Variants in OR12D2 observed in about 807,000 individuals in gnomAD.
OR12D2 encodes the protein olfactory receptor 12D2.
For missense variants in OR12D2, 345 were observed against 371.6 expected (o/e 0.93, Z 0.59); for synonymous variants, 146 against 142.3 (o/e 1.03, Z -0.19).
intron 1 of OR12D2, 54 bp from the exon 2 acceptor site, chr6:29,396,644 A>C (rs1780537454): frequency 2.8e-6 from 4 of 1,422,028 alleles, no homozygotes; most frequent in Non-Finnish European, 3.9e-6. Flanking sequence ...TCTGAGCCGG[A>C]AGGATTCTGA....
In OR12D2 at chr6:29,396,863, C is replaced by G; in HGVS notation, c.164C>G (p.Ser55Cys). The change falls in exon 2 of 2, where the codon TCC becomes TGC. Residue 55 changes from serine to cysteine, a missense_variant. Transcript: ENST00000642051. ...GTCATCTCCGATCCTAGACTCCATT[C>G]CCTTATGTATTTCTTCCTGGGAAAC... ...MIVISDPRLH[S>C]LMYFFLGNLS... 2 of 1,612,898 alleles carry G rather than the reference C, an allele frequency of 1.2e-6. No homozygotes were observed. Among genetic ancestry groups the G allele is most frequent in the Non-Finnish European group, 1.7e-6 (2 of 1,179,926 alleles).
rs1780623758 is a variant in OR12D2 at position 29,397,516 on chromosome 6, G to A, written c.817G>A (p.Val273Ile). 1 of 1,613,008 alleles carries A rather than the reference G, an allele frequency of 6.2e-7. No individual in the cohort carries two copies. Among genetic ancestry groups the A allele is most frequent in the East Asian group, 2.2e-5 (1 of 44,884 alleles). Reference protein sequence around the residue: ...LESFMDQDRIVAIMYTVVTPV... With the variant: ...LESFMDQDRIIAIMYTVVTPV... ...GAGCTTCATGGACCAGGACCGGATTGTTGCCATCATGTACACTGTGGTCAC... is the reference window on the plus strand; with the variant it reads ...GAGCTTCATGGACCAGGACCGGATTATTGCCATCATGTACACTGTGGTCAC... The change falls in exon 2 of 2, where the codon GTT (valine) becomes ATT (isoleucine). Residue 273 changes from valine (V) to isoleucine (I), a missense_variant. Val to Ile is a conservative substitution (Grantham distance 29). Coordinates refer to ENST00000642051, the MANE Select transcript of OR12D2 (RefSeq NM_013936.4).
Position 29,396,813 on chromosome 6 carries a change from T to C in OR12D2, c.114T>C (p.Thr38=). The C allele has an allele frequency of 1.2e-6, 2 of 1,612,982 alleles. No homozygotes were observed. The highest frequency in any genetic ancestry group is 1.7e-6 in the Non-Finnish European group (2 of 1,179,938). The change falls in exon 2 of 2, where the codon ACT becomes ACC. Residue 38 remains threonine, a synonymous_variant. Coordinates refer to ENST00000642051, the MANE Select transcript of OR12D2 (RefSeq NM_013936.4). Reference sequence around the variant, plus strand: ...TCACCATCTACTTCATCAGTGTGACTGGGAATGGAGCCGTTCTGATGATTG... The same window carrying C: ...TCACCATCTACTTCATCAGTGTGACCGGGAATGGAGCCGTTCTGATGATTG... ...VFLTIYFISV[T]GNGAVLMIVI...
In OR12D2 at chr6:29,397,357, A is replaced by G; in HGVS notation, c.658A>G (p.Ile220Val). 1.2e-6 allele frequency: 2 copies of G among 1,612,988 alleles called. No homozygotes were observed. Among genetic ancestry groups the G allele is most frequent in the South Asian group, 1.1e-5 (1 of 91,080 alleles). Residue 220 changes from isoleucine (I) to valine (V), a missense_variant, in exon 2 of 2, where the codon ATC becomes GTC. Transcript: ENST00000642051. ...FLTLLSYFYI[I>V]TYLFFKTRSC... ...GACACTTCTCTCCTATTTCTACATT[A>G]TCACTTATCTCTTCTTCAAGACCCG... is the stretch of plus-strand genomic sequence containing the variant.
Position 29,397,315 on chromosome 6 carries a change from A to T in OR12D2, c.616A>T (p.Met206Leu), listed in dbSNP as rs763069877. The change falls in exon 2 of 2, where the codon ATG becomes TTG. Residue 206 changes from methionine (M) to leucine (L), a missense_variant. Met to Leu is a conservative substitution (Grantham distance 15, BLOSUM62 2). Coordinates refer to ENST00000642051, the MANE Select transcript of OR12D2 (RefSeq NM_013936.4). ...CAGTACTGTCACGGGGACAATTGCCATGGGCCCCTTCTTTCTGACACTTCT... is the reference window on the plus strand; with the variant it reads ...CAGTACTGTCACGGGGACAATTGCCTTGGGCCCCTTCTTTCTGACACTTCT... The part of the protein sequence containing the change: ...LLSTVTGTIA[M>L]GPFFLTLLSY... The T allele has an allele frequency of 8.7e-6, 14 of 1,612,792 alleles. No homozygotes were observed. The highest frequency in any genetic ancestry group is 1.3e-5 in the African/African-American group (1 of 74,924).
chr6:29,396,370 A>G (rs4713216), intron 1 of OR12D2, among the ~76,000 whole-genome samples: 54,413 of 151,944 alleles, frequency 0.36, 10,544 homozygotes, highest in Non-Finnish European at 0.44. Context: ...CTGACTTGGG[A>G]TAGGAAAGGA....
chr6:29,396,738 G>C lies in OR12D2; in HGVS notation c.39G>C (p.Leu13Phe), dbSNP rs774319700. Reference protein sequence around the residue: ...NTTSVTEFLLLGVTDIQELQP... With the variant: ...NTTSVTEFLLFGVTDIQELQP... ...CCTCAGTCACCGAATTTCTCCTCTT[G>C]GGAGTGACAGACATTCAAGAACTGC... The change falls in exon 2 of 2, where the codon TTG becomes TTC. Residue 13 changes from leucine (L) to phenylalanine (F), a missense_variant. Coordinates refer to ENST00000642051, the MANE Select transcript of OR12D2 (RefSeq NM_013936.4). The C allele has an allele frequency of 3.1e-6, 5 of 1,612,258 alleles. No homozygotes were observed. The highest frequency in any genetic ancestry group is 1.1e-5 in the South Asian group (1 of 91,030).
Position 29,397,433 on chromosome 6 carries a change from T to C in OR12D2, c.734T>C (p.Met245Thr). ...CTGTCCACTTGTGCCTCCCACTTCA[T>C]GGTAGTTATTCTTTTCTATGCACCT... is the stretch of plus-strand genomic sequence containing the variant. The part of the protein sequence containing the change: ...KALSTCASHF[M>T]VVILFYAPVL... The change falls in exon 2 of 2, where the codon ATG becomes ACG. Residue 245 changes from methionine to threonine, a missense_variant. By Grantham distance (81) the Met-to-Thr change is moderately conservative. Coordinates refer to ENST00000642051, the MANE Select transcript of OR12D2 (RefSeq NM_013936.4). 3.1e-6 allele frequency: 5 copies of C among 1,613,048 alleles called. No individual in the cohort carries two copies. Among genetic ancestry groups the C allele is most frequent in the South Asian group, 1.1e-5 (1 of 91,076 alleles).
rs757746357 is a variant in OR12D2, at chr6:29,397,009, T to A, written c.310T>A (p.Ser104Thr). 3.7e-6 allele frequency: 6 copies of A among 1,613,126 alleles called. No homozygotes were observed. Among genetic ancestry groups the A allele is most frequent in the Non-Finnish European group, 5.1e-6 (6 of 1,180,002 alleles). Residue 104 changes from serine to threonine, a missense_variant, in exon 2 of 2, where the codon TCC becomes ACC. Physicochemically the swap from Ser to Thr is moderately conservative, Grantham distance 58 (BLOSUM62 1). Transcript: ENST00000642051. ...GCISQLHFFH[S>T]LGSTESMLFA... Reference sequence around the variant, plus strand: ...CATAAGCCAGCTTCATTTCTTCCACTCCCTGGGCAGCACGGAGTCCATGTT... The same window carrying A: ...CATAAGCCAGCTTCATTTCTTCCACACCCTGGGCAGCACGGAGTCCATGTT...
At chr6:29,396,320 T>A (rs2151314031) in intron 1 of OR12D2, among the ~76,000 whole-genome samples, 1 of 152,288 alleles carries the variant, frequency 6.6e-6, no homozygotes, top group Non-Finnish European at 1.5e-5. Context: ...TCAAGAGATA[T>A]CCAAGTGGTG....
intron 1 of OR12D2, chr6:29,396,422 A>C (rs1780521097): frequency 2.3e-6 from 1 of 431,546 alleles, no homozygotes. Flanking sequence ...CAACCAGAGA[A>C]GATGTAAGTT....
rs762410587 is a variant in OR12D2, at chr6:29,397,059, C to A, written c.360C>A (p.Leu120=). Residue 120 remains leucine, a synonymous_variant, in exon 2 of 2, where the codon CTC becomes CTA. Transcript: ENST00000642051. ...TGTTCGCCGTGATGGCATTTGACCTCTCTGTGGCTATCTGCAAGCCACTTC... is the reference window on the plus strand; with the variant it reads ...TGTTCGCCGTGATGGCATTTGACCTATCTGTGGCTATCTGCAAGCCACTTC... The part of the protein sequence containing the change: ...SMLFAVMAFD[L]SVAICKPLRY... 2 of 1,613,184 alleles carry A rather than the reference C, an allele frequency of 1.2e-6. No homozygotes were observed. Among genetic ancestry groups the A allele is most frequent in the Non-Finnish European group, 1.7e-6 (2 of 1,180,012 alleles).
rs760988588 is a variant in OR12D2, at chr6:29,397,610, T to A, written c.911T>A (p.Ile304Asn). 1.2e-6 allele frequency: 2 copies of A among 1,611,242 alleles called. No individual in the cohort carries two copies. The highest frequency in any genetic ancestry group is 1.7e-6 in the Non-Finnish European group (2 of 1,179,214). Residue 304 changes from isoleucine (I) to asparagine (N), a missense_variant, in exon 2 of 2, where the codon ATC (isoleucine) becomes AAC (asparagine). Coordinates refer to ENST00000642051, the MANE Select transcript of OR12D2 (RefSeq NM_013936.4). ...KEVKGALGRVIRRL is the reference protein window; with the variant it reads ...KEVKGALGRVNRRL ...GTGAAGGGGGCCTTGGGTAGAGTGA[T>A]CAGAAGGCTTTGATTTGAATAAACC...
Position 29,397,299 on chromosome 6 carries a change from C to G in OR12D2, c.600C>G (p.Val200=), listed in dbSNP as rs1376073629. 1 of 1,613,080 alleles carries G rather than the reference C, an allele frequency of 6.2e-7. No homozygotes were observed. Among genetic ancestry groups the G allele is most frequent in the Non-Finnish European group, 8.5e-7 (1 of 1,180,010 alleles). ...TELNQWLLST[V]TGTIAMGPFF... is the part of the protein sequence containing the mutation. ...TTAATCAGTGGCTACTCAGTACTGT[C>G]ACGGGGACAATTGCCATGGGCCCCT... Residue 200 remains valine (V), a synonymous_variant, in exon 2 of 2, where the codon GTC becomes GTG. Transcript: ENST00000642051.
At chr6:29,396,467 A>T (rs1428969725) in intron 1 of OR12D2, 10 of 512,808 alleles carry the variant, frequency 2.0e-5, no homozygotes, top group African/African-American at 1.7e-4. Context: ...AGAAAGAAAT[A>T]CGTTAATGAT....
In OR12D2 at chr6:29,397,705, G is replaced by T; in HGVS notation, c.*82G>T. The T allele has an allele frequency of 7.9e-7, 1 of 1,269,358 alleles. No individual in the cohort carries two copies. The highest frequency in any genetic ancestry group is 1.4e-5 in the South Asian group (1 of 69,924). 78.6% of individuals were successfully genotyped at this position (1,269,358 alleles called of 1,614,324 possible). On this transcript the variant is annotated 3_prime_UTR_variant, in exon 2 of 2. Transcript: ENST00000642051. ...AGATGTGTAATTTTACTGCTTCTCA[G>T]ATGGTTTATAAGTGTAAAATAGAGG...
chr6:29,397,017 C>A lies in OR12D2; in HGVS notation c.318C>A (p.Gly106=), dbSNP rs751041601. The change falls in exon 2 of 2, where the codon GGC becomes GGA. Residue 106 remains glycine, a synonymous_variant. Transcript: ENST00000642051. ...AGCTTCATTTCTTCCACTCCCTGGG[C>A]AGCACGGAGTCCATGTTGTTCGCCG... ...ISQLHFFHSL[G]STESMLFAVM... is the part of the protein sequence containing the mutation. 1.9e-6 allele frequency: 3 copies of A among 1,613,150 alleles called. No individual in the cohort carries two copies. In the South Asian group the frequency reaches 3.3e-5, roughly 18 times the overall value.
rs117171552 is a variant in OR12D2, at chr6:29,396,731, T to C, written c.32T>C (p.Leu11Pro). The change falls in exon 2 of 2, where the codon CTC (leucine) becomes CCC (proline). Residue 11 changes from leucine (L) to proline (P), a missense_variant. By Grantham distance (98) the Leu-to-Pro change is moderately conservative. Coordinates refer to ENST00000642051, the MANE Select transcript of OR12D2 (RefSeq NM_013936.4). MLNTTSVTEF[L>P]LLGVTDIQEL... ...AATACAACCTCAGTCACCGAATTTCTCCTCTTGGGAGTGACAGACATTCAA... is the reference window on the plus strand; with the variant it reads ...AATACAACCTCAGTCACCGAATTTCCCCTCTTGGGAGTGACAGACATTCAA... The C allele has an allele frequency of 4.9e-3, 7,954 of 1,612,100 alleles. 250 individuals carry two copies. The Admixed American group carries it at 0.074, about 15-fold the overall frequency.
At position 29,397,651 on chromosome 6, in the gene OR12D2, G is replaced by C; in HGVS notation, c.*28G>C. On this transcript the variant is annotated 3_prime_UTR_variant, in exon 2 of 2. Coordinates refer to ENST00000642051, the MANE Select transcript of OR12D2 (RefSeq NM_013936.4). Reference sequence around the variant, plus strand: ...TGAATAAACCAGAGAACTCTACTGAGGCATAAATAACCAGCAATGAAAAAG... The same window carrying C: ...TGAATAAACCAGAGAACTCTACTGACGCATAAATAACCAGCAATGAAAAAG... The C allele has an allele frequency of 6.4e-7, 1 of 1,553,506 alleles. No individual in the cohort carries two copies. Among genetic ancestry groups the C allele is most frequent in the Non-Finnish European group, 8.8e-7 (1 of 1,141,306 alleles).
Sources: gnomAD v4.1 joint callset for allele counts (sites outside exome capture counted in the v4.1 genomes callset) on GRCh38, gnomAD v4.1.1 for gene constraint, MANE v1.5 for transcripts, NCBI Gene and HGNC (gene_info 2026-07-23, HGNC 2026-07-21) for gene names.